FAM227B: variants seen among roughly 807,000 people sequenced by gnomAD.
FAM227B encodes the protein protein FAM227B.
A neutral mutation model predicts 73.8 loss-of-function variants in FAM227B; 88 were observed. That is an observed-to-expected ratio of 1.19 (90% CI 1.00 to 1.42). The LOEUF is 1.42. Among genes scored for constraint, FAM227B ranks in the 40% most tolerant of loss-of-function variants. The pLI, the probability that FAM227B is intolerant of heterozygous loss-of-function variation, is 0.00. For synonymous variants in FAM227B, 210 were observed against 190.5 expected (o/e 1.10, Z -0.84); for missense variants, 632 against 590.9 (o/e 1.07, Z -0.72).
intron 11 of FAM227B, chr15:49,424,121 C>A (rs796959205): frequency 1.9e-5 from 10 of 527,100 alleles, no homozygotes; most frequent in African/African-American, 1.7e-4. Flanking sequence ...AAGGAGGAAT[C>A]CTGTGTTGTT....
At chr15:49,329,905 A>T (rs555615135) in intron 15 of FAM227B, 61 of 273,520 alleles carry the variant, frequency 2.2e-4, no homozygotes, top group Non-Finnish European at 3.2e-4. Context: ...AAAAATTTCC[A>T]ATGTGCACTC....
rs542251848 is a variant in FAM227B at position 49,527,146 on chromosome 15, C to T, written c.874+14534G>A. Reference sequence around the variant, plus strand: ...GATGTAAAAATTTTCAAAAAAACAACCAGCAAACTGATTCCAACAGCACAT... The same window carrying T: ...GATGTAAAAATTTTCAAAAAAACAATCAGCAAACTGATTCCAACAGCACAT... On this transcript the variant is annotated intron_variant, in intron 10 of 15. Coordinates refer to ENST00000299338, the MANE Select transcript of FAM227B (RefSeq NM_152647.3). Among the ~76,000 whole-genome samples, 264 of 151,998 alleles carry T rather than the reference C, an allele frequency of 1.7e-3. 1 individual carries two copies. The highest frequency in any genetic ancestry group is 6.2e-3 in the African/African-American group (258 of 41,522).
intron 9 of FAM227B, among the ~76,000 whole-genome samples, chr15:49,542,438 T>A (rs2071206699): frequency 6.6e-6 from 1 of 152,124 alleles, no homozygotes; most frequent in South Asian, 2.1e-4. Flanking sequence ...CTGAGCAATG[T>A]GCACAGTACC....
intron 10 of FAM227B, among the ~76,000 whole-genome samples, chr15:49,517,349 G>C (rs2059443193): frequency 6.6e-6 from 1 of 152,092 alleles, no homozygotes; most frequent in Non-Finnish European, 1.5e-5. Context: ...ACATTAAAGA[G>C]AACATTGAAT....
At chr15:49,488,067 T>C (rs1216525387) in intron 11 of FAM227B, 1 of 151,972 alleles carries the variant, frequency 6.6e-6, no homozygotes, top group Non-Finnish European at 1.5e-5. Flanking sequence ...GGGTGATTAC[T>C]GGCCAATCAG....
At chr15:49,341,802 T>G (rs1567106852) in intron 13 of FAM227B, among the ~76,000 whole-genome samples, 1 of 152,368 alleles carries the variant, frequency 6.6e-6, no homozygotes, top group East Asian at 1.9e-4. Flanking sequence ...TTTCATTGTT[T>G]ACAGTCAGGC....
At chr15:49,398,786 T>C (rs12911926) in intron 11 of FAM227B, among the ~76,000 whole-genome samples, 42 of 45,802 alleles carry the variant, frequency 9.2e-4, no homozygotes, top group Non-Finnish European at 1.4e-3. Flanking sequence ...AATAAAGATG[T>C]TCTTTGAAAC....
At chr15:49,373,783 G>A (rs2045989566) in intron 11 of FAM227B, among the ~76,000 whole-genome samples, 1 of 152,042 alleles carries the variant, frequency 6.6e-6, no homozygotes, top group African/African-American at 2.4e-5. Flanking sequence ...ACTCCTATAT[G>A]TTGGAAAAAT....
In FAM227B at chr15:49,602,791, A is replaced by T. The variant is rs562940279; in HGVS notation, c.105+8424T>A. Among the ~76,000 whole-genome samples, 13 of 152,298 alleles carry T rather than the reference A, an allele frequency of 8.5e-5. No homozygotes were observed. The South Asian group carries it at 2.7e-3, about 32-fold the overall frequency. On this transcript the variant is annotated intron_variant, in intron 3 of 15. Coordinates refer to ENST00000299338, the MANE Select transcript of FAM227B (RefSeq NM_152647.3). ...TTCATAGTTTGAGATCCTAAATTTAAGTCTTTAATCCCTTTTGATTTGATT... is the reference window on the plus strand; with the variant it reads ...TTCATAGTTTGAGATCCTAAATTTATGTCTTTAATCCCTTTTGATTTGATT...
At chr15:49,404,399 C>G (rs760092535) in intron 11 of FAM227B, among the ~76,000 whole-genome samples, 6 of 152,110 alleles carry the variant, frequency 3.9e-5, no homozygotes, top group Non-Finnish European at 7.3e-5. Context: ...GAGTCTAAGT[C>G]TCTTTGAAGG....
intron 11 of FAM227B, among the ~76,000 whole-genome samples, chr15:49,413,930 A>G (rs1265964830): frequency 6.6e-6 from 1 of 151,680 alleles, no homozygotes; most frequent in East Asian, 1.9e-4. Flanking sequence ...ATTCTACAGA[A>G]AGACATTTTG....
chr15:49,568,144 G>A (rs2074804970), intron 9 of FAM227B, 101 bp downstream of exon 9: 1 of 1,091,296 alleles, frequency 9.2e-7, no homozygotes. Flanking sequence ...GCTTTCAAAA[G>A]TAACAAAATA....
chr15:49,518,596 A>G (rs907636591), intron 10 of FAM227B, among the ~76,000 whole-genome samples: 4 of 152,168 alleles, frequency 2.6e-5, no homozygotes, highest in Non-Finnish European at 5.9e-5. Flanking sequence ...GGCAAGAATG[A>G]TCACGTTCAG....
At position 49,508,323 on chromosome 15, in the gene FAM227B, C is replaced by A; in HGVS notation, c.900G>T (p.Trp300Cys). 6.2e-7 allele frequency: 1 copy of A among 1,601,904 alleles called. No individual in the cohort carries two copies. ...AGAGTTCTTTCAGTTTCCAGTGGAT[C>A]CAAAAGCCTTTTTGAGGTTTTAAAC... ...CSGLKPQKGF[W>C]IHWKLKELST... The change falls in exon 11 of 16, where the codon TGG becomes TGT. Residue 300 changes from tryptophan to cysteine, a missense_variant. Coordinates refer to ENST00000299338, the MANE Select transcript of FAM227B (RefSeq NM_152647.3).
At chr15:49,419,434 C>T (rs117380238) in intron 11 of FAM227B, among the ~76,000 whole-genome samples, 1 of 152,120 alleles carries the variant, frequency 6.6e-6, no homozygotes, top group Admixed American at 6.6e-5. Flanking sequence ...GACTTTTTTC[C>T]CTCAACCTTT....
chr15:49,387,021 A>G (rs137943328), intron 11 of FAM227B, among the ~76,000 whole-genome samples: 13 of 151,906 alleles, frequency 8.6e-5, no homozygotes, highest in Non-Finnish European at 1.6e-4. Flanking sequence ...TCAACAAAAT[A>G]AAAGCCCAGG....
At chr15:49,459,270 G>C (rs1278241421) in intron 11 of FAM227B, among the ~76,000 whole-genome samples, 1 of 152,156 alleles carries the variant, frequency 6.6e-6, no homozygotes, top group Non-Finnish European at 1.5e-5. Flanking sequence ...TGGAGGAGTA[G>C]GCTCCCAATA....
chr15:49,443,652 A>C (rs1295028396), intron 11 of FAM227B, among the ~76,000 whole-genome samples: 1 of 151,768 alleles, frequency 6.6e-6, no homozygotes, highest in Non-Finnish European at 1.5e-5. Flanking sequence ...ATCATTGAGA[A>C]GTGAGTGAAG....
At chr15:49,368,464 C>A (rs1452402737) in intron 12 of FAM227B, among the ~76,000 whole-genome samples, 1 of 151,878 alleles carries the variant, frequency 6.6e-6, no homozygotes, top group African/African-American at 2.4e-5. Flanking sequence ...TAGGTTTTTG[C>A]AAAAAATATG....
Sources: gnomAD v4.1 joint callset for allele counts (sites outside exome capture counted in the v4.1 genomes callset) on GRCh38, gnomAD v4.1.1 for gene constraint, MANE v1.5 for transcripts, NCBI Gene and HGNC (gene_info 2026-07-23, HGNC 2026-07-21) for gene names.